The following SNAI1 variants were observed in gnomAD, a reference collection of about 807,000 sequenced individuals.
The protein encoded by SNAI1 is zinc finger protein SNAI1.
Under a neutral mutation model 24.7 loss-of-function variants are expected in SNAI1, and 15 were observed. That is an observed-to-expected ratio of 0.61 (90% CI 0.41 to 0.93). The LOEUF (loss-of-function observed/expected upper bound fraction) is 0.93. Ranked by LOEUF, SNAI1 falls within the 40% of genes least tolerant of loss-of-function variation. The pLI is 0.00. For synonymous variants in SNAI1, 163 were observed against 142.9 expected (o/e 1.14, Z -1.00); for missense variants, 283 against 336.7 (o/e 0.84, Z 1.25).
Position 49,987,887 on chromosome 20 carries a change from C to T in SNAI1, c.626C>T (p.Ser209Phe), listed in dbSNP as rs865912088. The T allele has an allele frequency of 1.9e-6, 3 of 1,614,106 alleles. No individual in the cohort carries two copies. The highest frequency in any genetic ancestry group is 2.5e-6 in the Non-Finnish European group (3 of 1,180,004). The change falls in exon 3 of 3, where the codon TCC (serine) becomes TTC (phenylalanine). Residue 209 changes from serine (S) to phenylalanine (F), a missense_variant. Physicochemically the swap from Ser to Phe is radical, Grantham distance 155. Coordinates refer to ENST00000244050, the MANE Select transcript of SNAI1 (RefSeq NM_005985.4). ...CTCTCCCCAGGCGAGAAGCCCTTCT[C>T]CTGTCCCCACTGCAGCCGTGCCTTC... ...VRTHTGEKPFSCPHCSRAFAD... is the reference protein window; with the variant it reads ...VRTHTGEKPFFCPHCSRAFAD...
At position 49,988,046 on chromosome 20, in the gene SNAI1, G is replaced by A. The variant is rs1328717238; in HGVS notation, c.785G>A (p.Cys262Tyr). Residue 262 changes from cysteine (C) to tyrosine (Y), a missense_variant, in exon 3 of 3, where the codon TGT becomes TAT. Physicochemically the swap from Cys to Tyr is radical, Grantham distance 194. Coordinates refer to ENST00000244050, the MANE Select transcript of SNAI1 (RefSeq NM_005985.4). ...HKHQESGCSG[C>Y]PR is the part of the protein sequence containing the mutation. Reference sequence around the variant, plus strand: ...CACCAAGAGTCCGGCTGCTCAGGATGTCCCCGCTGACCCTCGAGGCTCCCT... The same window carrying A: ...CACCAAGAGTCCGGCTGCTCAGGATATCCCCGCTGACCCTCGAGGCTCCCT... 5.0e-6 allele frequency: 8 copies of A among 1,599,394 alleles called. No individual in the cohort carries two copies. Among genetic ancestry groups the A allele is most frequent in the Non-Finnish European group, 6.8e-6 (8 of 1,170,946 alleles).
rs2078325736 is a variant in SNAI1 at position 49,984,012 on chromosome 20, C to T, written c.271C>T (p.Leu91=). The T allele has an allele frequency of 3.1e-6, 5 of 1,613,502 alleles. No homozygotes were observed. The highest frequency in any genetic ancestry group is 4.2e-6 in the Non-Finnish European group (5 of 1,179,662). ...ESPRVAELTS[L]SDEDSGKGSQ... ...TCCCAGGGTGGCAGAGCTGACCTCC[C>T]TGTCAGATGAGGACAGTGGGAAAGG... The change falls in exon 2 of 3, where the codon CTG becomes TTG. Residue 91 remains leucine (L), a synonymous_variant. Transcript: ENST00000244050.
At chr20:49,984,552 C>G (rs1355627064) in intron 2 of SNAI1, among the ~76,000 whole-genome samples, 1 of 152,240 alleles carries the variant, frequency 6.6e-6, no homozygotes, top group Non-Finnish European at 1.5e-5. Context: ...AAGCAGACAC[C>G]TTCCCAATCC....
At position 49,983,929 on chromosome 20, in the gene SNAI1, C is replaced by A. The variant is rs1375832604; in HGVS notation, c.188C>A (p.Ser63Tyr). Residue 63 changes from serine to tyrosine, a missense_variant, in exon 2 of 3, where the codon TCT becomes TAT. Ser to Tyr is a moderately radical substitution (Grantham distance 144). Coordinates refer to ENST00000244050, the MANE Select transcript of SNAI1 (RefSeq NM_005985.4). Reference sequence around the variant, plus strand: ...TCGCTGCCAATGCTCATCTGGGACTCTGTCCTGGCGCCCCAAGCCCAGCCA... The same window carrying A: ...TCGCTGCCAATGCTCATCTGGGACTATGTCCTGGCGCCCCAAGCCCAGCCA... ...TASLPMLIWDSVLAPQAQPIA... is the reference protein window; with the variant it reads ...TASLPMLIWDYVLAPQAQPIA... 2 of 1,613,538 alleles carry A rather than the reference C, an allele frequency of 1.2e-6. No homozygotes were observed. The highest frequency in any genetic ancestry group is 3.3e-5 in the Admixed American group (2 of 60,020).
At chr20:49,983,731 C>T (rs4141977) in intron 1 of SNAI1, 93 bp from the exon 2 acceptor site, 83,654 of 1,243,202 alleles carry the variant, frequency 0.067, 3,028 homozygotes, top group Non-Finnish European at 0.073. Context: ...TATTGAGAAT[C>T]GGCCCCACCC....
chr20:49,986,025 T>C (rs927557884), intron 2 of SNAI1, among the ~76,000 whole-genome samples: 3 of 132,274 alleles, frequency 2.3e-5, no homozygotes, highest in African/African-American at 1.2e-4. Context: ...GCACTTACTG[T>C]ACAGGAGGGT....
chr20:49,985,192 C>T (rs1011885246), intron 2 of SNAI1, among the ~76,000 whole-genome samples: 7 of 152,134 alleles, frequency 4.6e-5, no homozygotes, highest in Non-Finnish European at 1.0e-4. Flanking sequence ...ACTTTCTGGA[C>T]ATGGAGAAAA....
intron 2 of SNAI1, among the ~76,000 whole-genome samples, chr20:49,987,412 A>G (rs1412424427): frequency 6.6e-6 from 1 of 152,266 alleles, no homozygotes; most frequent in East Asian, 1.9e-4. Context: ...GTGAAATCAG[A>G]GGCTTTGGGG....
chr20:49,983,197 C>A (rs1030529186), intron 1 of SNAI1, 56 bp downstream of exon 1: 2 of 1,348,266 alleles, frequency 1.5e-6, no homozygotes, highest in Non-Finnish European at 2.1e-6. Context: ...GCGAAGGCTG[C>A]GTGGGGGGCA....
At position 49,987,888 on chromosome 20, in the gene SNAI1, C is replaced by T; in HGVS notation, c.627C>T (p.Ser209=). The change falls in exon 3 of 3, where the codon TCC becomes TCT. Residue 209 remains serine (S), a synonymous_variant. Transcript: ENST00000244050. ...VRTHTGEKPF[S]CPHCSRAFAD... ...TCTCCCCAGGCGAGAAGCCCTTCTC[C>T]TGTCCCCACTGCAGCCGTGCCTTCG... 6.2e-7 allele frequency: 1 copy of T among 1,614,112 alleles called. No individual in the cohort carries two copies. Among genetic ancestry groups the T allele is most frequent in the Non-Finnish European group, 8.5e-7 (1 of 1,180,004 alleles).
At position 49,988,715 on chromosome 20, in the gene SNAI1, C is replaced by T. The variant is rs1002943130; in HGVS notation, c.*659C>T. 7.5e-4 allele frequency: 114 copies of T among 152,716 alleles called. No individual in the cohort carries two copies. Among genetic ancestry groups the T allele is most frequent in the Non-Finnish European group, 1.0e-3 (68 of 68,024 alleles). The allele number at this position is 152,716 out of a possible 1,614,324, so 9.5% of individuals were successfully genotyped here. A position where few individuals can be genotyped will look rare whatever the true frequency, so the allele number is the denominator to read the frequency against. On this transcript the variant is annotated 3_prime_UTR_variant, in exon 3 of 3. Coordinates refer to ENST00000244050, the MANE Select transcript of SNAI1 (RefSeq NM_005985.4). ...GGGTGCTCTGGTCTGACCGATGTGT[C>T]TCCCAGAACTATTCTGGGGGCCCGA...
chr20:49,983,168 G>T, intron 1 of SNAI1, 27 bp downstream of exon 1: 1 of 1,577,644 alleles, frequency 6.3e-7, no homozygotes, highest in Non-Finnish European at 8.7e-7. Flanking sequence ...CTGGGCTCCA[G>T]GAGGTTTGGG....
rs2078341942 is a variant in SNAI1, at chr20:49,988,553, T to TA, written c.*498dup. On this transcript the variant is annotated 3_prime_UTR_variant, in exon 3 of 3. Coordinates refer to ENST00000244050, the MANE Select transcript of SNAI1 (RefSeq NM_005985.4). ...AGGGCCTGCGGAGGCGGTGGCAGACTAGAGTCTGAGATGCCCCGAGCCCAG... is the reference window on the plus strand; with the variant it reads ...AGGGCCTGCGGAGGCGGTGGCAGACTAAGAGTCTGAGATGCCCCGAGCCCAG... 1.3e-5 allele frequency: 2 copies of TA among 153,112 alleles called. No individual in the cohort carries two copies. The highest frequency in any genetic ancestry group is 4.1e-4 in the South Asian group (2 of 4,838). The allele number at this position is 153,112 out of a possible 1,614,324, so 9.5% of individuals were successfully genotyped here.
rs759288627 is a variant in SNAI1, at chr20:49,983,920, T to G, written c.179T>G (p.Ile60Ser). 1 of 1,613,486 alleles carries G rather than the reference T, an allele frequency of 6.2e-7. No individual in the cohort carries two copies. Among genetic ancestry groups the G allele is most frequent in the Non-Finnish European group, 8.5e-7 (1 of 1,179,988 alleles). Residue 60 changes from isoleucine to serine, a missense_variant, in exon 2 of 3, where the codon ATC becomes AGC. Transcript: ENST00000244050. ...LNPTASLPML[I>S]WDSVLAPQAQ... Reference sequence around the variant, plus strand: ...CCCACCGCCTCGCTGCCAATGCTCATCTGGGACTCTGTCCTGGCGCCCCAA... The same window carrying G: ...CCCACCGCCTCGCTGCCAATGCTCAGCTGGGACTCTGTCCTGGCGCCCCAA...
At chr20:49,985,075 G>T (rs1231086996) in intron 2 of SNAI1, among the ~76,000 whole-genome samples, 1 of 152,174 alleles carries the variant, frequency 6.6e-6, no homozygotes, top group Non-Finnish European at 1.5e-5. Context: ...CGGTTCTCAG[G>T]TCGGCTTCCC....
At chr20:49,985,398 G>A (rs1001914521) in intron 2 of SNAI1, among the ~76,000 whole-genome samples, 4 of 152,098 alleles carry the variant, frequency 2.6e-5, no homozygotes, top group African/African-American at 9.7e-5. Context: ...GGCTTTATTG[G>A]CATCTTATTC....
intron 2 of SNAI1, 71 bp from the exon 3 acceptor site, chr20:49,987,801 G>A (rs1406515530): frequency 8.6e-6 from 12 of 1,402,334 alleles, no homozygotes; most frequent in African/African-American, 7.0e-5. Context: ...TGGGGTATGC[G>A]GGGAGGGATT....
intron 2 of SNAI1, 114 bp from the exon 3 acceptor site, chr20:49,987,758 G>C (rs1485436322): frequency 1.0e-6 from 1 of 1,002,566 alleles, no homozygotes; most frequent in Non-Finnish European, 1.5e-6. Flanking sequence ...CGGAGGCCTG[G>C]CTTTCCTGGG....
intron 2 of SNAI1, among the ~76,000 whole-genome samples, chr20:49,984,691 C>T (rs914560504): frequency 6.6e-5 from 10 of 152,244 alleles, no homozygotes; most frequent in African/African-American, 2.2e-4. Flanking sequence ...CGCCCCCTCC[C>T]TAGCCAGACA....
Sources: gnomAD v4.1 joint callset for allele counts (sites outside exome capture counted in the v4.1 genomes callset) on GRCh38, gnomAD v4.1.1 for gene constraint, MANE v1.5 for transcripts, NCBI Gene and HGNC (gene_info 2026-07-23, HGNC 2026-07-21) for gene names.